The following LARP1B variants were observed in gnomAD, a reference collection of about 807,000 sequenced individuals.
LARP1B encodes la-related protein 1B.
Under a neutral mutation model 114.2 loss-of-function variants are expected in LARP1B, and 76 were observed. The observed-to-expected ratio is 0.67, with a 90% CI of 0.55 to 0.81. The LOEUF is 0.81. Among genes scored for constraint, LARP1B ranks in the 30% least tolerant of loss-of-function variants. The pLI is 0.00. For missense variants in LARP1B, 1,014 were observed against 1,075.8 expected (o/e 0.94, Z 0.80); for synonymous variants, 345 against 348.0 (o/e 0.99, Z 0.10).
intron 5 of LARP1B, among the ~76,000 whole-genome samples, chr4:128,087,709 T>A (rs550882953): frequency 2.0e-5 from 3 of 152,200 alleles, no homozygotes; most frequent in African/African-American, 7.2e-5. Context: ...CCACAAAATA[T>A]GACTTTTAAA....
At chr4:128,095,489 C>CAAAA (rs11311661) in intron 7 of LARP1B, among the ~76,000 whole-genome samples, 4 of 61,292 alleles carry the variant, frequency 6.5e-5, no homozygotes, top group Non-Finnish European at 6.6e-5. Context: ...AACTCCATCT[C>CAAAA]AAAAAAAAAA....
intron 1 of LARP1B, chr4:128,061,858 C>T (rs1760235594): frequency 1.0e-6 from 1 of 985,110 alleles, no homozygotes. Flanking sequence ...GGGCCGCGGC[C>T]GCCACTAGCG....
chr4:128,187,565 G>T (rs1034872912), intron 15 of LARP1B, among the ~76,000 whole-genome samples: 5 of 152,196 alleles, frequency 3.3e-5, no homozygotes, highest in African/African-American at 1.2e-4. Context: ...CTCATAGGTG[G>T]AAGGGACTAG....
intron 1 of LARP1B, among the ~76,000 whole-genome samples, chr4:128,065,317 C>CTTTCTTTCTTTCTT (rs781646479): frequency 4.7e-4 from 36 of 77,080 alleles, no homozygotes; most frequent in African/African-American, 6.3e-4. Context: ...TTCTTTCTTT[C>CTTTCTTTCTTTCTT]TCTCTCTCTC....
chr4:128,222,531 T>G, exon 8 of LARP1B: 1 of 303,362 alleles, frequency 3.3e-6, no homozygotes, highest in South Asian at 2.7e-5. Flanking sequence ...TTACTTTTTT[T>G]CTGCCCTGGG....
At chr4:128,104,706 A>G (rs1338504340) in intron 8 of LARP1B, among the ~76,000 whole-genome samples, 1 of 152,142 alleles carries the variant, frequency 6.6e-6, no homozygotes, top group Non-Finnish European at 1.5e-5. Flanking sequence ...TCGGCCTCCC[A>G]AAGTGCTGGG....
intron 12 of LARP1B, among the ~76,000 whole-genome samples, chr4:128,163,968 C>A (rs1739612871): frequency 1.3e-5 from 2 of 151,848 alleles, no homozygotes; most frequent in Non-Finnish European, 2.9e-5. Context: ...TGTTTCTAGG[C>A]CTTTTGAATA....
chr4:128,213,615 C>T (rs1024791503), downstream of LARP1B, among the ~76,000 whole-genome samples: 1 of 152,018 alleles, frequency 6.6e-6, no homozygotes, highest in Admixed American at 6.6e-5. Flanking sequence ...TCTAAATGGC[C>T]CTACCCAAAA....
chr4:128,087,129 C>T lies in LARP1B; in HGVS notation c.359-3872C>T, dbSNP rs183483861. On this transcript the variant is annotated intron_variant, in intron 5 of 19. Transcript: ENST00000326639. ...GAGGCAGGGTTTCACCATTTTGGGC[C>T]AGGCTGGTCACGAACTCCTGACCTC... Among the ~76,000 whole-genome samples, 87 of 152,138 alleles carry T rather than the reference C, an allele frequency of 5.7e-4. 1 individual carries two copies. In the East Asian group the frequency reaches 0.013, roughly 23 times the overall value.
At chr4:128,103,118 C>T (rs4834232) in intron 8 of LARP1B, among the ~76,000 whole-genome samples, 26,910 of 152,076 alleles carry the variant, frequency 0.18, 2,889 homozygotes, top group Middle Eastern at 0.3. Flanking sequence ...CTGGAAAATA[C>T]TGATGTACCC....
At chr4:128,110,725 A>C (rs1410098952) in intron 9 of LARP1B, among the ~76,000 whole-genome samples, 1 of 149,528 alleles carries the variant, frequency 6.7e-6, no homozygotes, top group Admixed American at 6.7e-5. Context: ...CATATATGTA[A>C]ATTAATTATG....
intron 11 of LARP1B, among the ~76,000 whole-genome samples, chr4:128,130,719 C>G (rs1219635723): frequency 6.6e-6 from 1 of 152,170 alleles, no homozygotes; most frequent in Non-Finnish European, 1.5e-5. Context: ...ACACAATAAC[C>G]TGAACGTGGA....
chr4:128,145,588 C>T (rs1032956590), intron 11 of LARP1B, among the ~76,000 whole-genome samples: 19 of 152,298 alleles, frequency 1.2e-4, no homozygotes, highest in East Asian at 3.9e-4. Context: ...TTGTCTCCAG[C>T]GCTCTATTCC....
chr4:128,126,590 A>G (rs1034589292), intron 11 of LARP1B, among the ~76,000 whole-genome samples: 1 of 152,232 alleles, frequency 6.6e-6, no homozygotes, highest in African/African-American at 2.4e-5. Context: ...AATCAATTGA[A>G]GGGATTAGCA....
In LARP1B at chr4:128,143,306, G is replaced by A. The variant is rs567259207; in HGVS notation, c.1525-18888G>A. Reference sequence around the variant, plus strand: ...AAAAAGAGACCTGATTTCAAGTTTTGCCTCATTATGTAAATTCTAGCCATA... The same window carrying A: ...AAAAAGAGACCTGATTTCAAGTTTTACCTCATTATGTAAATTCTAGCCATA... On this transcript the variant is annotated intron_variant, in intron 11 of 19. Coordinates refer to ENST00000326639, the MANE Select transcript of LARP1B (RefSeq NM_018078.4). Among the ~76,000 whole-genome samples, 8 of 152,158 alleles carry A rather than the reference G, an allele frequency of 5.3e-5. No individual in the cohort carries two copies. The East Asian group carries it at 1.5e-3, about 29-fold the overall frequency.
chr4:128,134,908 C>G (rs571105408), intron 11 of LARP1B, among the ~76,000 whole-genome samples: 20 of 151,980 alleles, frequency 1.3e-4, no homozygotes, highest in South Asian at 2.1e-4. Context: ...AGTTTAAGAC[C>G]AGCCTGGCCA....
At chr4:128,130,226 C>T (rs951441320) in intron 11 of LARP1B, among the ~76,000 whole-genome samples, 1 of 151,894 alleles carries the variant, frequency 6.6e-6, no homozygotes, top group Non-Finnish European at 1.5e-5. Flanking sequence ...CCATTGACTG[C>T]TAGAAAATAT....
At chr4:128,124,815 A>T (rs983325700) in intron 11 of LARP1B, among the ~76,000 whole-genome samples, 1 of 152,204 alleles carries the variant, frequency 6.6e-6, no homozygotes, top group Non-Finnish European at 1.5e-5. Context: ...GGAGTTGTAT[A>T]GGAAAGTGTG....
In LARP1B at chr4:128,176,735, T is replaced by C. The variant is rs919967790; in HGVS notation, c.1649-137T>C. 56 of 735,532 alleles carry C rather than the reference T, an allele frequency of 7.6e-5. No homozygotes were observed. The South Asian group carries it at 9.7e-4, about 13-fold the overall frequency. 45.6% of individuals were successfully genotyped at this position (735,532 alleles called of 1,614,324 possible). ...TTCGATGCAGTTGTGGTAGTTGCTT[T>C]CTGGGAAGCAATGAGACTTACTCTT... On this transcript the variant is annotated intron_variant, in intron 12 of 19. Transcript: ENST00000326639.
Sources: gnomAD v4.1 joint callset for allele counts (sites outside exome capture counted in the v4.1 genomes callset) on GRCh38, gnomAD v4.1.1 for gene constraint, MANE v1.5 for transcripts, NCBI Gene and HGNC (gene_info 2026-07-23, HGNC 2026-07-21) for gene names.